The following SYNPR variants were observed in gnomAD, a reference collection of about 807,000 sequenced individuals.
SYNPR encodes the protein synaptoporin.
In SYNPR, 23 loss-of-function variants were observed where a neutral mutation model predicts 32.9. That is an observed-to-expected ratio of 0.70 (90% CI 0.50 to 0.99). The LOEUF (loss-of-function observed/expected upper bound fraction) is 0.99. SYNPR is among the 50% of genes least tolerant of loss of function. SYNPR has a pLI of 0.00. For synonymous variants in SYNPR, 146 were observed against 135.9 expected (o/e 1.07, Z -0.52); for missense variants, 318 against 349.3 (o/e 0.91, Z 0.71).
chr3:63,427,851 CTTG>C (rs1369898790), intron 2 of SYNPR, among the ~76,000 whole-genome samples: 4 of 152,222 alleles, frequency 2.6e-5, no homozygotes, highest in Admixed American at 2.0e-4. Context: ...ACCACATACT[CTTG>C]TTTAATAACC....
At chr3:63,557,918 A>AAT (rs1702621557) in intron 4 of SYNPR, among the ~76,000 whole-genome samples, 1 of 152,192 alleles carries the variant, frequency 6.6e-6, no homozygotes, top group Non-Finnish European at 1.5e-5. Context: ...ACCAAAACTC[A>AAT]TGTTGAAAGT....
intron 2 of SYNPR, among the ~76,000 whole-genome samples, chr3:63,439,867 A>G: frequency 1.3e-5 from 2 of 152,308 alleles, no homozygotes; most frequent in South Asian, 4.1e-4. Flanking sequence ...ATTGTTCTCA[A>G]GTTGATTCAC....
chr3:63,534,683 T>C (rs1365290604), intron 3 of SYNPR, among the ~76,000 whole-genome samples: 1 of 152,080 alleles, frequency 6.6e-6, no homozygotes, highest in Non-Finnish European at 1.5e-5. Flanking sequence ...AAATGCAAGA[T>C]TGGACATTTG....
At chr3:63,489,871 G>C (rs34506140) in intron 3 of SYNPR, among the ~76,000 whole-genome samples, 28,913 of 152,096 alleles carry the variant, frequency 0.19, 3,091 homozygotes, top group East Asian at 0.26. Flanking sequence ...TCTAAGCAAA[G>C]AGAAAAGCAT....
intron 2 of SYNPR, among the ~76,000 whole-genome samples, chr3:63,391,300 G>C (rs1387105658): frequency 6.6e-6 from 1 of 152,150 alleles, no homozygotes; most frequent in African/African-American, 2.4e-5. Flanking sequence ...GTGTCTCTGT[G>C]ACTCTAAGTC....
intron 3 of SYNPR, among the ~76,000 whole-genome samples, chr3:63,493,661 CA>C (rs1420530199): frequency 1.3e-5 from 2 of 151,698 alleles, no homozygotes; most frequent in Non-Finnish European, 2.9e-5. Context: ...ACTGAAAATA[CA>C]AAAATTAGCC....
chr3:63,242,657 A>C (rs17067929), intron 1 of SYNPR, among the ~76,000 whole-genome samples: 2 of 152,194 alleles, frequency 1.3e-5, no homozygotes, highest in Admixed American at 6.5e-5. Flanking sequence ...ACACACAGAA[A>C]TCAGTCTCAG....
intron 2 of SYNPR, among the ~76,000 whole-genome samples, chr3:63,421,134 T>G (rs1449950827): frequency 6.6e-6 from 1 of 152,170 alleles, no homozygotes. Context: ...TCCCCGGTTT[T>G]GGCCTCCGAA....
chr3:63,360,326 A>G (rs752483619), intron 2 of SYNPR, among the ~76,000 whole-genome samples: 6 of 152,026 alleles, frequency 3.9e-5, no homozygotes, highest in Admixed American at 1.3e-4. Context: ...ACCTCCCACA[A>G]TGGACTGCCA....
At chr3:63,586,769 A>G (rs1030361524) in intron 4 of SYNPR, among the ~76,000 whole-genome samples, 1 of 151,556 alleles carries the variant, frequency 6.6e-6, no homozygotes, top group African/African-American at 2.4e-5. Flanking sequence ...GACACAGGTG[A>G]TTAAGATAGT....
chr3:63,411,278 G>T (rs1257829607), intron 2 of SYNPR, among the ~76,000 whole-genome samples: 1 of 152,104 alleles, frequency 6.6e-6, no homozygotes, highest in Non-Finnish European at 1.5e-5. Context: ...GTTCTACTTT[G>T]AACATATTGG....
intron 1 of SYNPR, among the ~76,000 whole-genome samples, chr3:63,252,029 ATGGGGG>A (rs1453039094): frequency 5.3e-5 from 8 of 151,810 alleles, no homozygotes; most frequent in African/African-American, 1.7e-4. Context: ...ACTCCATGGT[ATGGGGG>A]TACCATGGAG....
At chr3:63,540,999 C>T (rs1244332860) in intron 3 of SYNPR, among the ~76,000 whole-genome samples, 1 of 149,836 alleles carries the variant, frequency 6.7e-6, no homozygotes, top group Non-Finnish European at 1.5e-5. Context: ...CCAATTAGTA[C>T]ATCTATTTCC....
chr3:63,450,521 C>T (rs1700359502), intron 2 of SYNPR, among the ~76,000 whole-genome samples: 1 of 152,154 alleles, frequency 6.6e-6, no homozygotes, highest in Non-Finnish European at 1.5e-5. Context: ...GGAAGGCTGG[C>T]ATATGGATCT....
intron 2 of SYNPR, among the ~76,000 whole-genome samples, chr3:63,413,312 G>T (rs1367188561): frequency 5.9e-5 from 9 of 152,134 alleles, no homozygotes; most frequent in Non-Finnish European, 1.3e-4. Flanking sequence ...GACTTGAACT[G>T]TAACAGTCTG....
chr3:63,389,804 T>C (rs1465606685), intron 2 of SYNPR, among the ~76,000 whole-genome samples: 2 of 151,864 alleles, frequency 1.3e-5, no homozygotes, highest in African/African-American at 4.9e-5. Context: ...AAGTTATTTC[T>C]ATTCTCTTTC....
intron 2 of SYNPR, among the ~76,000 whole-genome samples, chr3:63,353,073 C>T (rs2087531633): frequency 6.6e-6 from 1 of 152,194 alleles, no homozygotes; most frequent in African/African-American, 2.4e-5. Flanking sequence ...GGTGGAGAAT[C>T]TTTACAAGAC....
the SYNPR span, among the ~76,000 whole-genome samples, chr3:63,201,725 GA>G: frequency 0.42 from 64,145 of 151,520 alleles, 14,633 homozygotes; most frequent in Admixed American, 0.52. Context: ...TTATTTAAAA[GA>G]AAAAAAATTA....
At chr3:63,406,957 A>C (rs2088368584) in intron 2 of SYNPR, among the ~76,000 whole-genome samples, 3 of 152,190 alleles carry the variant, frequency 2.0e-5, no homozygotes, top group South Asian at 2.1e-4. Flanking sequence ...AATCTAAGGA[A>C]TATTAGCTCG....
Sources: allele counts gnomAD v4.1 joint callset (sites outside exome capture counted in the v4.1 genomes callset), GRCh38; gene constraint gnomAD v4.1.1; transcripts MANE v1.5; gene names NCBI Gene and HGNC (gene_info 2026-07-23, HGNC 2026-07-21).